JAK1: variants seen among roughly 807,000 people sequenced by gnomAD.
JAK1 encodes tyrosine-protein kinase JAK1.
JAK1 carries 16 observed loss-of-function variants against 136.6 expected under a neutral mutation model. The observed-to-expected ratio is 0.12, with a 90% CI of 0.08 to 0.18. The LOEUF (loss-of-function observed/expected upper bound fraction) is 0.18. JAK1 is among the 10% of genes least tolerant of loss of function. The probability of loss-of-function intolerance (pLI) is 1.00; values close to 1 mark genes in which losing one functional copy is unlikely to be tolerated. For synonymous variants in JAK1, 492 were observed against 519.5 expected (o/e 0.95, Z 0.72); for missense variants, 859 against 1,450.1 (o/e 0.59, Z 6.62).
In JAK1 at chr1:64,833,827, T is replaced by C. The variant is rs892119013; in HGVS notation, c.*735A>G. 4 of 232,614 alleles carry C rather than the reference T, an allele frequency of 1.7e-5. No individual in the cohort carries two copies. The highest frequency in any genetic ancestry group is 5.6e-5 in the Admixed American group (1 of 17,740). 14.4% of individuals were successfully genotyped at this position (232,614 alleles called of 1,614,324 possible). A position where few individuals can be genotyped will look rare whatever the true frequency, so the allele number is the denominator to read the frequency against. ...TCTGGGAATGAGTTCTGATTAAAGG[T>C]ATACTGCTTAGGAAAGCACTGGCAC... On this transcript the variant is annotated 3_prime_UTR_variant, in exon 25 of 25. Transcript: ENST00000342505.
intron 20 of JAK1, among the ~76,000 whole-genome samples, chr1:64,839,172 TATC>T (rs1394399396): frequency 2.1e-5 from 3 of 142,918 alleles, no homozygotes; most frequent in African/African-American, 5.3e-5. Context: ...AAAAAAAAAT[TATC>T]ATCAGCTGTC....
In JAK1 at chr1:64,935,749, T is replaced by C. The variant is rs371844302; in HGVS notation, c.-78+30584A>G. ...ACTTGATGTGCTACCACAGAACTGCTTGCAACGCTGACGGGTCATCTCTGA... is the reference window on the plus strand; with the variant it reads ...ACTTGATGTGCTACCACAGAACTGCCTGCAACGCTGACGGGTCATCTCTGA... On this transcript the variant is annotated intron_variant, in intron 1 of 24. Transcript: ENST00000342505. Among the ~76,000 whole-genome samples the C allele has an allele frequency of 1.5e-3, 226 of 152,328 alleles. 1 individual carries two copies. Among genetic ancestry groups the C allele is most frequent in the African/African-American group, 5.1e-3 (211 of 41,578 alleles).
intron 1 of JAK1, among the ~76,000 whole-genome samples, chr1:65,054,131 A>G (rs990361039): frequency 6.6e-6 from 1 of 152,162 alleles, no homozygotes. Flanking sequence ...CCCACAGCTA[A>G]TAAAACATGT....
upstream of JAK1, among the ~76,000 whole-genome samples, chr1:64,969,939 C>G (rs1353975341): frequency 6.6e-6 from 1 of 151,806 alleles, no homozygotes; most frequent in Non-Finnish European, 1.5e-5. Flanking sequence ...AAAATGAGAC[C>G]AGCTTGCGCA....
intron 1 of JAK1, among the ~76,000 whole-genome samples, chr1:65,052,358 G>C (rs1203610061): frequency 2.6e-5 from 4 of 152,044 alleles, no homozygotes; most frequent in Admixed American, 6.6e-5. Context: ...ACTCGTTCAT[G>C]CTTCATGAAG....
At chr1:65,044,222 A>C (rs1317183785) in intron 2 of JAK1, among the ~76,000 whole-genome samples, 1 of 152,148 alleles carries the variant, frequency 6.6e-6, no homozygotes, top group Non-Finnish European at 1.5e-5. Context: ...TGGTTGGCAA[A>C]GGTTAGAGAT....
chr1:64,952,941 G>A (rs764255900), intron 1 of JAK1, among the ~76,000 whole-genome samples: 39 of 152,244 alleles, frequency 2.6e-4, no homozygotes, highest in Non-Finnish European at 3.8e-4. Context: ...GGCACAAAGC[G>A]GTTGAATAAC....
chr1:65,020,225 CAAA>C (rs375362876), intron 2 of JAK1, among the ~76,000 whole-genome samples: 21 of 50,788 alleles, frequency 4.1e-4, no homozygotes, highest in African/African-American at 1.4e-3. Flanking sequence ...AACTCCGTCT[CAAA>C]AAAAAAAAAA....
At chr1:64,869,640 G>A (rs310235) in intron 5 of JAK1, among the ~76,000 whole-genome samples, 166 bp from the exon 6 acceptor site, 43,420 of 151,968 alleles carry the variant, frequency 0.29, 6,928 homozygotes, top group African/African-American at 0.43. Flanking sequence ...GGGTGTGAAG[G>A]GGCTCAGGAG....
chr1:64,986,457 C>T (rs995826603), intron 2 of JAK1, among the ~76,000 whole-genome samples: 1 of 152,020 alleles, frequency 6.6e-6, no homozygotes, highest in Admixed American at 6.6e-5. Flanking sequence ...AGTGTGATTC[C>T]AGAGACACCT....
At chr1:64,945,609 A>G (rs145738925) in intron 1 of JAK1, among the ~76,000 whole-genome samples, 8 of 152,340 alleles carry the variant, frequency 5.3e-5, no homozygotes, top group Middle Eastern at 3.4e-3. Context: ...ACGAATATAT[A>G]CTTACATTAA....
At position 64,839,758 on chromosome 1, in the gene JAK1, G is replaced by T. The variant is rs1256962842; in HGVS notation, c.2687C>A (p.Pro896His). 6.2e-7 allele frequency: 1 copy of T among 1,613,570 alleles called. No homozygotes were observed. Among genetic ancestry groups the T allele is most frequent in the African/African-American group, 1.3e-5 (1 of 74,898 alleles). The change falls in exon 20 of 25, where the codon CCC becomes CAC. Residue 896 changes from proline to histidine, a missense_variant. Physicochemically the swap from Pro to His is moderately conservative, Grantham distance 77. Around this residue, in one of 4 missense-constraint regions of JAK1, gnomAD observed 409 missense variants for 753.8 expected, o/e 0.54. Coordinates refer to ENST00000342505, the MANE Select transcript of JAK1 (RefSeq NM_002227.4). ...FGKVELCRYDPEGDNTGEQVA... is the reference protein window; with the variant it reads ...FGKVELCRYDHEGDNTGEQVA... The stretch of plus-strand genomic sequence containing the variant: ...CTGCTCCCCTGTATTGTCCCCTTCG[G>T]GGTCATACCTGCAGAGCTCAACCTT...
chr1:64,873,562 G>A (rs1228586143), intron 4 of JAK1, 39 bp from the exon 5 acceptor site: 1 of 1,613,096 alleles, frequency 6.2e-7, no homozygotes, highest in South Asian at 1.1e-5. Flanking sequence ...GTGGCAAAGG[G>A]GACCCAGATG....
chr1:64,845,966 C>T (rs573785774), intron 14 of JAK1, among the ~76,000 whole-genome samples: 3 of 152,340 alleles, frequency 2.0e-5, no homozygotes, highest in African/African-American at 7.2e-5. Context: ...TGGGAACAAC[C>T]GCCACCACTG....
At chr1:64,914,577 T>C (rs944678172) in intron 1 of JAK1, among the ~76,000 whole-genome samples, 3 of 152,186 alleles carry the variant, frequency 2.0e-5, no homozygotes, top group Non-Finnish European at 4.4e-5. Context: ...TTTGTTTTGT[T>C]TTTTTGAGAC....
At chr1:64,867,768 A>C (rs889034062) in intron 6 of JAK1, among the ~76,000 whole-genome samples, 2 of 152,200 alleles carry the variant, frequency 1.3e-5, no homozygotes, top group Non-Finnish European at 2.9e-5. Flanking sequence ...AGGCGGGCGG[A>C]TCATCTGAGG....
intron 1 of JAK1, among the ~76,000 whole-genome samples, chr1:64,924,198 G>A (rs964443772): frequency 2.0e-5 from 3 of 152,122 alleles, no homozygotes; most frequent in African/African-American, 7.2e-5. Context: ...AAACAAAATA[G>A]TGTAGTATCT....
intron 1 of JAK1, among the ~76,000 whole-genome samples, chr1:64,935,300 CTT>C (rs569506885): frequency 6.6e-6 from 1 of 151,920 alleles, no homozygotes; most frequent in Non-Finnish European, 1.5e-5. Context: ...AGTCATAACT[CTT>C]TTTTTTGTTT....
rs372568722 is a variant in JAK1 at position 64,834,527 on chromosome 1, G to A, written c.*35C>T. On this transcript the variant is annotated 3_prime_UTR_variant, in exon 25 of 25. Transcript: ENST00000342505. ...GGCATTTGTTGCAGGAGAAGGACTTGATAATCTGTGGAATTTAAATGTTAT... is the reference window on the plus strand; with the variant it reads ...GGCATTTGTTGCAGGAGAAGGACTTAATAATCTGTGGAATTTAAATGTTAT... 1.5e-6 allele frequency: 2 copies of A among 1,367,262 alleles called. No individual in the cohort carries two copies. The highest frequency in any genetic ancestry group is 1.0e-6 in the Non-Finnish European group (1 of 960,432). The allele number at this position is 1,367,262 out of a possible 1,614,324, so 84.7% of individuals were successfully genotyped here.
Sources: gnomAD v4.1 joint callset for allele counts (sites outside exome capture counted in the v4.1 genomes callset) on GRCh38, gnomAD v4.1.1 for gene constraint, gnomAD v4.1.1 regional missense constraint, MANE v1.5 for transcripts, NCBI Gene and HGNC (gene_info 2026-07-23, HGNC 2026-07-21) for gene names.